Variants in CTNNA3 observed in about 807,000 individuals in gnomAD.
The protein encoded by CTNNA3 is catenin alpha 3.
CTNNA3 carries 76 observed loss-of-function variants against 95.7 expected under a neutral mutation model. The observed-to-expected ratio is 0.79, with a 90% CI of 0.66 to 0.96. The LOEUF is 0.96. CTNNA3 is among the 40% of genes least tolerant of loss of function. The pLI is 0.00. For missense variants in CTNNA3, 1,191 were observed against 1,089.8 expected, an observed-to-expected ratio of 1.09 and a Z score of -1.31; for synonymous variants, 431 against 374.4, an observed-to-expected ratio of 1.15 and a Z score of -1.74.
At chr10:66,996,671 A>AAAAAAAAAAAAAAAAAT (rs1851370396) in intron 7 of CTNNA3, among the ~76,000 whole-genome samples, 1 of 148,366 alleles carries the variant, frequency 6.7e-6, no homozygotes, top group Non-Finnish European at 1.5e-5. Flanking sequence ...AAAAAAAAAA[A>AAAAAAAAAAAAAAAAAT]GCATGTTTGT....
chr10:66,157,409 ATAGG>A (rs3053719), intron 13 of CTNNA3, among the ~76,000 whole-genome samples: 26,689 of 150,960 alleles, frequency 0.18, 2,553 homozygotes, highest in South Asian at 0.32. Flanking sequence ...TCTATCATAG[ATAGG>A]TAGGTAGGTA....
At chr10:67,579,621 A>G (rs1200479636) in intron 3 of CTNNA3, among the ~76,000 whole-genome samples, 2 of 152,224 alleles carry the variant, frequency 1.3e-5, no homozygotes, top group African/African-American at 4.8e-5. Context: ...TCCTTGAGGA[A>G]TCGCCACACT....
Position 67,598,947 on chromosome 10 carries a change from A to C in CTNNA3, c.292+7910T>G, listed in dbSNP as rs117865120. Among the ~76,000 whole-genome samples, 742 of 152,308 alleles carry C rather than the reference A, an allele frequency of 4.9e-3. 6 individuals carry two copies. Among genetic ancestry groups the C allele is most frequent in the Middle Eastern group, 0.024 (7 of 294 alleles). The stretch of plus-strand genomic sequence containing the variant: ...AACCCAATAGAAACCAATACTCATA[A>C]GGAAAAAAAATAAAAATAAAAATCT... On this transcript the variant is annotated intron_variant, in intron 3 of 17. Coordinates refer to ENST00000433211, the MANE Select transcript of CTNNA3 (RefSeq NM_013266.4).
intron 5 of CTNNA3, among the ~76,000 whole-genome samples, chr10:67,418,221 G>T (rs1038838138): frequency 3.9e-5 from 6 of 152,062 alleles, no homozygotes; most frequent in Admixed American, 3.9e-4. Context: ...ATATGGAAAA[G>T]TTTCAAACTG....
At chr10:66,307,988 T>A (rs1246236377) in intron 12 of CTNNA3, among the ~76,000 whole-genome samples, 1 of 152,206 alleles carries the variant, frequency 6.6e-6, no homozygotes, top group Non-Finnish European at 1.5e-5. Context: ...TTGACAGGGT[T>A]GCCATACTGC....
intron 5 of CTNNA3, among the ~76,000 whole-genome samples, chr10:67,517,210 C>T (rs1035402915): frequency 6.6e-6 from 1 of 152,080 alleles, no homozygotes; most frequent in Admixed American, 6.6e-5. Flanking sequence ...AATTTACATT[C>T]CCAACAATGT....
rs567398344 is a variant in CTNNA3, at chr10:67,530,213, T to C, written c.460-8252A>G. 5.3e-5 allele frequency among the ~76,000 whole-genome samples: 8 copies of C among 152,332 alleles called. No homozygotes were observed. In the South Asian group the frequency reaches 1.7e-3, roughly 32 times the overall value. ...AGAGTGGGGTGCTGCTGTAGATACC[T>C]GAAAATGTGGAAGCAATTTGGGAAC... On this transcript the variant is annotated intron_variant, in intron 4 of 17. Transcript: ENST00000433211.
chr10:66,557,672 A>C (rs1842432234), intron 10 of CTNNA3, among the ~76,000 whole-genome samples: 1 of 152,128 alleles, frequency 6.6e-6, no homozygotes, highest in Non-Finnish European at 1.5e-5. Flanking sequence ...GGCTGCTCAC[A>C]CATAAGTATA....
At chr10:67,040,633 T>C (rs1288942481) in intron 7 of CTNNA3, among the ~76,000 whole-genome samples, 2 of 152,064 alleles carry the variant, frequency 1.3e-5, no homozygotes, top group African/African-American at 2.4e-5. Context: ...TTAAACAGTA[T>C]ACAATGGTGA....
At chr10:66,356,743 CT>C (rs2092613933) in intron 12 of CTNNA3, among the ~76,000 whole-genome samples, 1 of 151,902 alleles carries the variant, frequency 6.6e-6, no homozygotes, top group African/African-American at 2.4e-5. Flanking sequence ...TAGCTGTGGG[CT>C]TTTTGTTGAT....
intron 13 of CTNNA3, among the ~76,000 whole-genome samples, chr10:66,143,466 A>G (rs994673142): frequency 3.9e-5 from 6 of 152,154 alleles, no homozygotes; most frequent in African/African-American, 1.4e-4. Context: ...GTCGTCAAAT[A>G]TATCATCCCT....
In CTNNA3 at chr10:66,411,991, G is replaced by A. The variant is rs145703468; in HGVS notation, c.1532-32639C>T. Among the ~76,000 whole-genome samples, 640 of 152,224 alleles carry A rather than the reference G, an allele frequency of 4.2e-3. 5 individuals carry two copies. The highest frequency in any genetic ancestry group is 0.015 in the African/African-American group (614 of 41,534). On this transcript the variant is annotated intron_variant, in intron 11 of 17. Coordinates refer to ENST00000433211, the MANE Select transcript of CTNNA3 (RefSeq NM_013266.4). ...TGACCTATCCCCATCTCCGTCAGTC[G>A]CTGATGAAAGCCATCACTTGAAAGG...
At chr10:67,046,732 T>C (rs1373758767) in intron 7 of CTNNA3, among the ~76,000 whole-genome samples, 3 of 152,188 alleles carry the variant, frequency 2.0e-5, no homozygotes, top group Admixed American at 6.5e-5. Context: ...GTTACCATTA[T>C]CCTTCTCTCT....
intron 5 of CTNNA3, among the ~76,000 whole-genome samples, chr10:67,284,704 C>G (rs1344831762): frequency 1.3e-5 from 2 of 152,080 alleles, no homozygotes; most frequent in Non-Finnish European, 2.9e-5. Flanking sequence ...TGGATCATAA[C>G]CTAACTACAA....
intron 10 of CTNNA3, among the ~76,000 whole-genome samples, chr10:66,541,771 A>T (rs1453575440): frequency 6.6e-6 from 1 of 152,132 alleles, no homozygotes; most frequent in Non-Finnish European, 1.5e-5. Context: ...CTTACTACTC[A>T]GTGGATTCTA....
chr10:67,329,689 G>A (rs148314619), intron 5 of CTNNA3, among the ~76,000 whole-genome samples: 429 of 152,166 alleles, frequency 2.8e-3, no homozygotes, highest in Non-Finnish European at 4.1e-3. Context: ...AAATATTTAC[G>A]GAGGGCTTAC....
At chr10:66,763,731 G>T (rs1043631452) in intron 9 of CTNNA3, among the ~76,000 whole-genome samples, 1 of 152,096 alleles carries the variant, frequency 6.6e-6, no homozygotes, top group Non-Finnish European at 1.5e-5. Flanking sequence ...TTGCATTTGG[G>T]ACTTCTCATC....
At chr10:66,448,041 G>C (rs1488825419) in intron 11 of CTNNA3, among the ~76,000 whole-genome samples, 1 of 152,114 alleles carries the variant, frequency 6.6e-6, no homozygotes, top group South Asian at 2.1e-4. Flanking sequence ...CTTCTCAAAA[G>C]AAGACATTTA....
chr10:67,727,151 A>G (rs1402730944), intron 1 of CTNNA3, among the ~76,000 whole-genome samples: 2 of 123,208 alleles, frequency 1.6e-5, no homozygotes, highest in Non-Finnish European at 3.2e-5. Context: ...CATATATTAT[A>G]TAATTATATA....
Sources: gnomAD v4.1 joint callset for allele counts (sites outside exome capture counted in the v4.1 genomes callset) on GRCh38, gnomAD v4.1.1 for gene constraint, MANE v1.5 for transcripts, NCBI Gene and HGNC (gene_info 2026-07-23, HGNC 2026-07-21) for gene names.